TMCO5A: variants seen among roughly 807,000 people sequenced by gnomAD.
TMCO5A encodes transmembrane and coiled-coil domains 5A, also known as transmembrane and coiled-coil domain-containing protein 5A.
Under a neutral mutation model 42.3 loss-of-function variants are expected in TMCO5A, and 34 were observed. The observed-to-expected ratio is 0.80, with a 90% CI of 0.61 to 1.07. The LOEUF (loss-of-function observed/expected upper bound fraction) is 1.07. Ranked by LOEUF, TMCO5A falls within the 50% of genes least tolerant of loss-of-function variation. The pLI is 0.00. For synonymous variants in TMCO5A, 131 were observed against 115.6 expected (o/e 1.13, Z -0.86); for missense variants, 357 against 327.9 (o/e 1.09, Z -0.69).
chr15:38,014,111 T>G, the TMCO5A span, among the ~76,000 whole-genome samples: 1 of 152,332 alleles, frequency 6.6e-6, no homozygotes, highest in African/African-American at 2.4e-5. Context: ...TCTAGAATAA[T>G]TCCCTCACCT....
chr15:38,009,733 AG>A, the TMCO5A span, among the ~76,000 whole-genome samples: 5 of 152,222 alleles, frequency 3.3e-5, no homozygotes, highest in African/African-American at 1.2e-4. Flanking sequence ...ACCACTAAAT[AG>A]CTGTGTGACC....
chr15:37,996,601 C>T, the TMCO5A span, among the ~76,000 whole-genome samples: 1 of 152,108 alleles, frequency 6.6e-6, no homozygotes, highest in Non-Finnish European at 1.5e-5. Context: ...CCAAATGGAA[C>T]CAATTACCAG....
the TMCO5A span, among the ~76,000 whole-genome samples, chr15:38,000,360 T>C: frequency 1.3e-5 from 2 of 152,104 alleles, no homozygotes; most frequent in African/African-American, 4.8e-5. Flanking sequence ...GTATTGGTTG[T>C]AATGTCTCCT....
chr15:37,977,478 A>G, the TMCO5A span, among the ~76,000 whole-genome samples: 1 of 152,190 alleles, frequency 6.6e-6, no homozygotes, highest in Non-Finnish European at 1.5e-5. Flanking sequence ...GTATATTAGC[A>G]AAGTATTTTT....
At chr15:38,030,354 C>T in the TMCO5A span, among the ~76,000 whole-genome samples, 1 of 152,176 alleles carries the variant, frequency 6.6e-6, no homozygotes, top group Non-Finnish European at 1.5e-5. Context: ...TTCTTCATCG[C>T]CCAACAGAAT....
the TMCO5A span, among the ~76,000 whole-genome samples, chr15:37,984,100 G>A: frequency 2.0e-5 from 3 of 152,092 alleles, no homozygotes; most frequent in Non-Finnish European, 4.4e-5. Flanking sequence ...TTGCTTCTGG[G>A]GAAATAAAGC....
chr15:38,029,487 G>C, the TMCO5A span, among the ~76,000 whole-genome samples: 1 of 152,026 alleles, frequency 6.6e-6, no homozygotes, highest in East Asian at 1.9e-4. Context: ...TCTTGAGACA[G>C]GGTCTCTGTG....
chr15:37,939,560 T>C (rs1044291749), intron 6 of TMCO5A, among the ~76,000 whole-genome samples: 2 of 152,132 alleles, frequency 1.3e-5, no homozygotes, highest in Non-Finnish European at 2.9e-5. Flanking sequence ...TGCACTCACA[T>C]TGTCAGATGA....
chr15:37,975,461 G>A, the TMCO5A span, among the ~76,000 whole-genome samples: 1 of 151,432 alleles, frequency 6.6e-6, no homozygotes, highest in East Asian at 1.9e-4. Flanking sequence ...AGATCTTCTT[G>A]TTGAATTAAA....
At chr15:37,940,645 C>A (rs899930063) in intron 6 of TMCO5A, among the ~76,000 whole-genome samples, 1 of 152,050 alleles carries the variant, frequency 6.6e-6, no homozygotes, top group African/African-American at 2.4e-5. Flanking sequence ...GAAAGCTGGT[C>A]CATCCTGTCT....
At chr15:37,974,777 C>T in the TMCO5A span, among the ~76,000 whole-genome samples, 1 of 152,044 alleles carries the variant, frequency 6.6e-6, no homozygotes, top group Non-Finnish European at 1.5e-5. Flanking sequence ...TATTTCTTGT[C>T]TTCTGCTAGC....
chr15:37,985,146 G>C, the TMCO5A span, among the ~76,000 whole-genome samples: 1 of 151,658 alleles, frequency 6.6e-6, no homozygotes, highest in East Asian at 1.9e-4. Flanking sequence ...CTGACATCTA[G>C]ATTATAGAAG....
chr15:38,015,829 T>C, the TMCO5A span, among the ~76,000 whole-genome samples: 1 of 152,202 alleles, frequency 6.6e-6, no homozygotes, highest in South Asian at 2.1e-4. Context: ...TACTATATGA[T>C]TTCAACTATA....
Position 37,937,366 on chromosome 15 carries a change from G to C in TMCO5A, c.285G>C (p.Leu95Phe), listed in dbSNP as rs752191164. 8.7e-6 allele frequency: 14 copies of C among 1,612,944 alleles called. No homozygotes were observed. Among genetic ancestry groups the C allele is most frequent in the Non-Finnish European group, 1.1e-5 (13 of 1,179,368 alleles). ...TARLERKNKT[L>F]VHSITELQQK... ...CACAGGAAAGGAAGAATAAGACGTT[G>C]GTCCACAGTATAACAGAACTTCAAC... Residue 95 changes from leucine (L) to phenylalanine (F), a missense_variant, in exon 5 of 12, where the codon TTG becomes TTC. Physicochemically the swap from Leu to Phe is conservative, Grantham distance 22. Coordinates refer to ENST00000319669, the MANE Select transcript of TMCO5A (RefSeq NM_152453.4).
chr15:37,979,505 C>A, the TMCO5A span, among the ~76,000 whole-genome samples: 1 of 152,126 alleles, frequency 6.6e-6, no homozygotes, highest in Admixed American at 6.5e-5. Context: ...AAATTGGCAT[C>A]ATAAAAAACT....
chr15:37,977,952 T>C, the TMCO5A span, among the ~76,000 whole-genome samples: 1 of 152,176 alleles, frequency 6.6e-6, no homozygotes, highest in South Asian at 2.1e-4. Context: ...CTTCTCCTTA[T>C]GGAGGCTGCA....
chr15:37,948,796 C>G (rs1411550562), intron 11 of TMCO5A, among the ~76,000 whole-genome samples: 1 of 152,050 alleles, frequency 6.6e-6, no homozygotes, highest in Non-Finnish European at 1.5e-5. Flanking sequence ...CTAGGCTACT[C>G]CTAGGATTTT....
the TMCO5A span, among the ~76,000 whole-genome samples, chr15:38,003,756 G>A: frequency 6.6e-6 from 1 of 151,812 alleles, no homozygotes; most frequent in Non-Finnish European, 1.5e-5. Flanking sequence ...GTCAGCTTGT[G>A]GTGCATGTTA....
chr15:37,966,458 G>A (rs766170210), intron 11 of TMCO5A, among the ~76,000 whole-genome samples: 14 of 151,974 alleles, frequency 9.2e-5, no homozygotes, highest in Non-Finnish European at 7.4e-5. Context: ...ATTACTCATC[G>A]CATGCCTGTT....
Sources: gnomAD v4.1 joint callset for allele counts (sites outside exome capture counted in the v4.1 genomes callset) on GRCh38, gnomAD v4.1.1 for gene constraint, MANE v1.5 for transcripts, NCBI Gene and HGNC (gene_info 2026-07-23, HGNC 2026-07-21) for gene names.